Variants in TRMT11 observed in about 807,000 individuals in gnomAD.
The protein encoded by TRMT11 is tRNA methyltransferase 11, also known as tRNA (guanine(10)-N(2))-methyltransferase TRMT11.
A neutral mutation model predicts 62.8 loss-of-function variants in TRMT11; 53 were observed. That is an observed-to-expected ratio of 0.84 (90% CI 0.68 to 1.06). The LOEUF is 1.06. TRMT11 is among the 50% of genes least tolerant of loss of function. TRMT11 has a pLI of 0.00. For missense variants in TRMT11, 556 were observed against 553.4 expected, an observed-to-expected ratio of 1.00 and a Z score of -0.05; for synonymous variants, 188 against 190.3, an observed-to-expected ratio of 0.99 and a Z score of 0.10.
chr6:125,993,161 G>A (rs1790907132), intron 1 of TRMT11, among the ~76,000 whole-genome samples: 1 of 152,152 alleles, frequency 6.6e-6, no homozygotes, highest in African/African-American at 2.4e-5. Flanking sequence ...TAACTTGTTA[G>A]TCATACAAAT....
At chr6:126,057,386 C>T (rs1163561325) in intron 17 of TRMT11, among the ~76,000 whole-genome samples, 2 of 152,250 alleles carry the variant, frequency 1.3e-5, no homozygotes, top group South Asian at 2.1e-4. Flanking sequence ...AAATCAATGT[C>T]GATGAATTAT....
At chr6:126,206,210 A>G (rs1204964522), downstream of TRMT11, among the ~76,000 whole-genome samples, 2 of 152,272 alleles carry the variant, frequency 1.3e-5, no homozygotes, top group Admixed American at 6.5e-5. Flanking sequence ...ATTGCTTGAC[A>G]TAATAACCTA....
At chr6:126,258,587 T>A in the TRMT11 span, among the ~76,000 whole-genome samples, 1 of 152,256 alleles carries the variant, frequency 6.6e-6, no homozygotes, top group African/African-American at 2.4e-5. Flanking sequence ...ATTTTCTATT[T>A]TTTTGATAAT....
chr6:126,227,496 T>C, the TRMT11 span, among the ~76,000 whole-genome samples: 1 of 152,190 alleles, frequency 6.6e-6, no homozygotes, highest in Non-Finnish European at 1.5e-5. Context: ...GAACCTGAAT[T>C]TGGATATATT....
intron 12 of TRMT11, among the ~76,000 whole-genome samples, chr6:126,027,364 G>C (rs1442827322): frequency 6.6e-6 from 1 of 152,126 alleles, no homozygotes; most frequent in African/African-American, 2.4e-5. Context: ...ACCCAGGGTA[G>C]CCTTTTCAAG....
the TRMT11 span, among the ~76,000 whole-genome samples, chr6:126,243,289 G>T: frequency 6.6e-6 from 1 of 152,156 alleles, no homozygotes; most frequent in Non-Finnish European, 1.5e-5. Context: ...GAAACAACAG[G>T]TGCTGGAGAG....
chr6:126,064,435 G>A (rs1028478197), intron 17 of TRMT11, among the ~76,000 whole-genome samples: 2 of 152,142 alleles, frequency 1.3e-5, no homozygotes, highest in African/African-American at 4.8e-5. Context: ...GTAGCCAAGA[G>A]CCTTGGGCTC....
rs1242182623 is a variant in TRMT11 at position 126,151,931 on chromosome 6, C to CTT, written c.*1824-22892_*1824-22891dup. 8.2e-4 allele frequency among the ~76,000 whole-genome samples: 77 copies of CTT among 93,472 alleles called. 6 individuals carry two copies. The highest frequency in any genetic ancestry group is 3.5e-3 in the African/African-American group (67 of 19,044). The allele number at this position is 93,472 out of a possible 152,430, so 61.3% of individuals were successfully genotyped here. On this transcript the variant is annotated intron_variant and NMD_transcript_variant, in intron 21 of 22. Transcript: ENST00000648977. ...TCTTTCTTTCTTTCTTTCTTTCTTT[C>CTT]TTTCTTTCTTTCTTTTCTTTCTTTC...
the TRMT11 span, among the ~76,000 whole-genome samples, chr6:126,248,978 T>C: frequency 1.5e-4 from 23 of 152,238 alleles, no homozygotes; most frequent in African/African-American, 4.3e-4. Context: ...ATGTCTTTTG[T>C]AATCTATCCA....
the TRMT11 span, among the ~76,000 whole-genome samples, chr6:126,258,848 C>T: frequency 6.6e-6 from 1 of 151,846 alleles, no homozygotes; most frequent in Non-Finnish European, 1.5e-5. Context: ...ATTTTAAGTT[C>T]AGGAGTACAC....
chr6:126,243,355 A>G, the TRMT11 span, among the ~76,000 whole-genome samples: 2 of 152,186 alleles, frequency 1.3e-5, no homozygotes, highest in East Asian at 3.9e-4. Flanking sequence ...AACTAGTTCA[A>G]CCATTGTGGA....
chr6:125,994,742 T>A (rs1316425240), intron 2 of TRMT11, among the ~76,000 whole-genome samples: 1 of 152,106 alleles, frequency 6.6e-6, no homozygotes, highest in African/African-American at 2.4e-5. Context: ...AATGAAAATG[T>A]ACATATACAC....
At chr6:126,047,335 G>C (rs1776089108) in intron 16 of TRMT11, among the ~76,000 whole-genome samples, 1 of 151,282 alleles carries the variant, frequency 6.6e-6, no homozygotes. Context: ...GAGTGGCAGA[G>C]AAGGAGAGAA....
the TRMT11 span, among the ~76,000 whole-genome samples, chr6:126,269,188 C>T: frequency 1.4e-5 from 2 of 141,332 alleles, no homozygotes; most frequent in African/African-American, 5.4e-5. Flanking sequence ...GGCGTGAACC[C>T]GGGAGGCGGA....
At chr6:126,257,802 G>A in the TRMT11 span, 1 of 710,978 alleles carries the variant, frequency 1.4e-6, no homozygotes, top group African/African-American at 1.8e-5. Context: ...GAAGGGGGCA[G>A]GGGAAGAGAC....
the TRMT11 span, among the ~76,000 whole-genome samples, chr6:126,224,692 C>T: frequency 6.6e-6 from 1 of 152,184 alleles, no homozygotes; most frequent in African/African-American, 2.4e-5. Context: ...AACAGAGTGG[C>T]AGTGTGGCAA....
chr6:126,173,030 T>C (rs1368836224), upstream of TRMT11, among the ~76,000 whole-genome samples: 4 of 152,188 alleles, frequency 2.6e-5, no homozygotes, highest in Admixed American at 1.3e-4. Flanking sequence ...AATGCCCTCA[T>C]TACCATTATG....
Position 125,986,549 on chromosome 6 carries a change from C to A in TRMT11, c.-2C>A, listed in dbSNP as rs1287908069. ...CGCGCAGGCGCACGGTGGGCAGCTG[C>A]AATGGCGCTGTCGTGTACCCTTAAC... On this transcript the variant is annotated 5_prime_UTR_variant, in exon 1 of 13. Coordinates refer to ENST00000334379, the MANE Select transcript of TRMT11 (RefSeq NM_001031712.3). 1 of 1,587,382 alleles carries A rather than the reference C, an allele frequency of 6.3e-7. No individual in the cohort carries two copies. The highest frequency in any genetic ancestry group is 1.8e-5 in the Admixed American group (1 of 55,896).
chr6:125,998,700 T>C lies in TRMT11; in HGVS notation c.522+16T>C. 6.2e-7 allele frequency: 1 copy of C among 1,608,296 alleles called. No individual in the cohort carries two copies. The highest frequency in any genetic ancestry group is 8.5e-7 in the Non-Finnish European group (1 of 1,178,318). ...TGGTAGATGGGTGAGCAAGTTTTCT[T>C]TCTACCTATGTCAGTTTGTTTTTTT... On this transcript the variant is annotated intron_variant, in intron 6 of 12. Transcript: ENST00000334379.
Sources: gnomAD v4.1 joint callset for allele counts (sites outside exome capture counted in the v4.1 genomes callset) on GRCh38, gnomAD v4.1.1 for gene constraint, MANE v1.5 for transcripts, NCBI Gene and HGNC (gene_info 2026-07-23, HGNC 2026-07-21) for gene names.